The following NSD3 variants were observed in gnomAD, a reference collection of about 807,000 sequenced individuals.
NSD3 encodes histone-lysine N-methyltransferase NSD3.
In NSD3, 24 loss-of-function variants were observed where a neutral mutation model predicts 160.8. The observed-to-expected ratio is 0.15, with a 90% CI of 0.11 to 0.21. NSD3 has a LOEUF of 0.21. Ranked by LOEUF, NSD3 falls within the 10% of genes least tolerant of loss-of-function variation. NSD3 has a pLI of 1.00. For synonymous variants in NSD3, 520 were observed against 600.0 expected (o/e 0.87, Z 1.95); for missense variants, 1,157 against 1,735.9 (o/e 0.67, Z 5.93).
chr8:38,299,627 A>C, intron 14 of NSD3, 37 bp from the exon 15 acceptor site: 1 of 1,488,908 alleles, frequency 6.7e-7, no homozygotes. Flanking sequence ...AGCTGCAATG[A>C]AACTACCCAT....
intron 1 of NSD3, among the ~76,000 whole-genome samples, chr8:38,359,187 G>C (rs1035755940): frequency 6.6e-6 from 1 of 152,100 alleles, no homozygotes; most frequent in African/African-American, 2.4e-5. Flanking sequence ...TAGTAATACA[G>C]TAACAAATGT....
intron 1 of NSD3, among the ~76,000 whole-genome samples, chr8:38,372,283 G>A (rs758500990): frequency 4.6e-5 from 7 of 152,108 alleles, no homozygotes; most frequent in Non-Finnish European, 8.8e-5. Flanking sequence ...ACAACATTTT[G>A]TATAAAATGG....
chr8:38,293,405 C>G (rs1423144424), intron 16 of NSD3, among the ~76,000 whole-genome samples: 1 of 151,566 alleles, frequency 6.6e-6, no homozygotes, highest in African/African-American at 2.4e-5. Context: ...CAAAAATTAG[C>G]CAGGCGTGGT....
chr8:38,380,163 A>G (rs1467461089), intron 1 of NSD3, among the ~76,000 whole-genome samples: 1 of 152,266 alleles, frequency 6.6e-6, no homozygotes, highest in East Asian at 1.9e-4. Context: ...GAAGGCAAAG[A>G]GAAGAGATGG....
chr8:38,349,987 C>T (rs1810645235), intron 1 of NSD3, among the ~76,000 whole-genome samples: 1 of 152,044 alleles, frequency 6.6e-6, no homozygotes, highest in Admixed American at 6.6e-5. Context: ...TTTCCAGCTT[C>T]ATCCATGTCC....
intron 16 of NSD3, among the ~76,000 whole-genome samples, chr8:38,293,119 G>C (rs1253062118): frequency 7.1e-6 from 1 of 141,638 alleles, no homozygotes; most frequent in Non-Finnish European, 1.5e-5. Context: ...GCCTGGGACA[G>C]AGCAAGACTT....
intron 5 of NSD3, among the ~76,000 whole-genome samples, 195 bp downstream of exon 5, chr8:38,331,236 G>A (rs549514800): frequency 7.9e-5 from 12 of 152,160 alleles, no homozygotes; most frequent in South Asian, 2.1e-4. Flanking sequence ...AGTACTATAC[G>A]TCGTTTATAT....
intron 7 of NSD3, 74 bp downstream of exon 7, chr8:38,326,656 A>G (rs953225536): frequency 5.1e-6 from 7 of 1,363,770 alleles, no homozygotes; most frequent in East Asian, 5.4e-5. Flanking sequence ...TTAGAAACAC[A>G]GCTACCACAT....
chr8:38,353,058 T>C, intron 1 of NSD3, among the ~76,000 whole-genome samples: 1 of 152,198 alleles, frequency 6.6e-6, no homozygotes, highest in Non-Finnish European at 1.5e-5. Context: ...TTCATGTAGC[T>C]ATTATCTCCT....
rs1261670827 is a variant in NSD3, at chr8:38,290,650, G to C, written c.2943C>G (p.Pro981=). Residue 981 remains proline (P), a synonymous_variant, in exon 17 of 24, where the codon CCC becomes CCG. Transcript: ENST00000317025. Reference sequence around the variant, plus strand: ...CCTGGATGTTCAGTGGCACAGACCTGGGGTTGCAGATCTCTGCTGGCCACC... The same window carrying C: ...CCTGGATGTTCAGTGGCACAGACCTCGGGTTGCAGATCTCTGCTGGCCACC... ...YRWWPAEICN[P]RSVPLNIQGL... 2.7e-5 allele frequency: 44 copies of C among 1,613,740 alleles called. No homozygotes were observed. The highest frequency in any genetic ancestry group is 3.6e-5 in the Non-Finnish European group (42 of 1,179,868).
Position 38,321,290 on chromosome 8 carries a change from T to G in NSD3, c.1709-118A>C. 2.9e-6 allele frequency: 2 copies of G among 699,394 alleles called. No individual in the cohort carries two copies. The allele number at this position is 699,394 out of a possible 1,614,324, so 43.3% of individuals were successfully genotyped here. A position where few individuals can be genotyped will look rare whatever the true frequency, so the allele number is the denominator to read the frequency against. ...TACCCATTACTTTTGGAATTTTAATTAAAATCATTAAAAAATGCTAAACAT... is the reference window on the plus strand; with the variant it reads ...TACCCATTACTTTTGGAATTTTAATGAAAATCATTAAAAAATGCTAAACAT... On this transcript the variant is annotated intron_variant, in intron 7 of 23. Coordinates refer to ENST00000317025, the MANE Select transcript of NSD3 (RefSeq NM_023034.2). The surrounding 1 kb of genome is among the most constrained non-coding windows in gnomAD (Gnocchi z 4.7).
chr8:38,374,799 TC>T (rs1811347770), intron 1 of NSD3, among the ~76,000 whole-genome samples: 1 of 152,012 alleles, frequency 6.6e-6, no homozygotes, highest in South Asian at 2.1e-4. Flanking sequence ...GGTCAGGAGA[TC>T]GAGACCATCC....
At chr8:38,300,815 T>A (rs1000575415) in intron 14 of NSD3, among the ~76,000 whole-genome samples, 4 of 152,182 alleles carry the variant, frequency 2.6e-5, no homozygotes, top group Admixed American at 2.6e-4. Context: ...ACGGCAGCAG[T>A]TTTATTTAAG....
intron 1 of NSD3, among the ~76,000 whole-genome samples, chr8:38,368,471 A>G (rs1451990284): frequency 1.3e-5 from 2 of 152,246 alleles, no homozygotes; most frequent in Non-Finnish European, 1.5e-5. Context: ...CAAAATACAA[A>G]AAAGAAAACA....
At chr8:38,327,654 C>G (rs1809948732) in intron 6 of NSD3, among the ~76,000 whole-genome samples, 2 of 152,258 alleles carry the variant, frequency 1.3e-5, no homozygotes, top group Non-Finnish European at 2.9e-5. Flanking sequence ...ATTTTCTGGT[C>G]TTTATACATA....
intron 16 of NSD3, among the ~76,000 whole-genome samples, chr8:38,292,253 A>G (rs1809013315): frequency 6.6e-6 from 1 of 152,266 alleles, no homozygotes; most frequent in Admixed American, 6.5e-5. Flanking sequence ...AAAAATTAAA[A>G]CAATGCAGAA....
chr8:38,291,678 C>T (rs1437054050), intron 16 of NSD3, among the ~76,000 whole-genome samples: 2 of 152,148 alleles, frequency 1.3e-5, no homozygotes, highest in East Asian at 1.9e-4. Flanking sequence ...ATACTTGGTT[C>T]GTTCTCAAAG....
intron 10 of NSD3, 146 bp from the exon 11 acceptor site, chr8:38,315,690 G>A: frequency 7.8e-7 from 1 of 1,279,446 alleles, no homozygotes; most frequent in Non-Finnish European, 1.1e-6. Context: ...AAAATCCACA[G>A]ATATCATAGG....
Position 38,329,723 on chromosome 8 carries a change from G to A in NSD3, c.1236C>T (p.Ser412=), listed in dbSNP as rs753916193. 1.2e-6 allele frequency: 2 copies of A among 1,614,174 alleles called. No individual in the cohort carries two copies. The highest frequency in any genetic ancestry group is 1.7e-6 in the Non-Finnish European group (2 of 1,180,036). Residue 412 remains serine (S), a synonymous_variant, in exon 6 of 24, where the codon TCC becomes TCT. Coordinates refer to ENST00000317025, the MANE Select transcript of NSD3 (RefSeq NM_023034.2). The surrounding 1 kb of genome is among the most constrained non-coding windows in gnomAD (Gnocchi z 4.8). ...ALSQAKKSVA[S]KTEVKKTRRP... is the part of the protein sequence containing the mutation. ...GTCGGGTTTTTTTAACTTCGGTTTT[G>A]GAGGCAACACTCTTTTTTGCTTGGG...
Sources: allele counts gnomAD v4.1 joint callset (sites outside exome capture counted in the v4.1 genomes callset), GRCh38; gene constraint gnomAD v4.1.1; non-coding constraint Gnocchi (gnomAD v3.1); transcripts MANE v1.5; gene names NCBI Gene and HGNC (gene_info 2026-07-23, HGNC 2026-07-21).